FNDC3A: variants seen among roughly 807,000 people sequenced by gnomAD.
The protein encoded by FNDC3A is fibronectin type-III domain-containing protein 3A.
FNDC3A carries 32 observed loss-of-function variants against 148.9 expected under a neutral mutation model. The observed-to-expected ratio is 0.21, with a 90% CI of 0.16 to 0.29. The LOEUF (loss-of-function observed/expected upper bound fraction) is 0.29, where lower values mean the gene tolerates loss of function less well. Among genes scored for constraint, FNDC3A ranks in the 10% least tolerant of loss-of-function variants. FNDC3A has a pLI of 1.00. For synonymous variants in FNDC3A, 472 were observed against 473.6 expected, an observed-to-expected ratio of 1.00 and a Z score of 0.04; for missense variants, 1,191 against 1,452.8, an observed-to-expected ratio of 0.82 and a Z score of 2.93.
At chr13:49,161,747 G>C (rs1386801436) in intron 8 of FNDC3A, among the ~76,000 whole-genome samples, 1 of 152,174 alleles carries the variant, frequency 6.6e-6, no homozygotes, top group Non-Finnish European at 1.5e-5. Context: ...TGGTACTGAT[G>C]GTTCCTTTCC....
chr13:49,165,530 G>T (rs1243976534), intron 8 of FNDC3A, among the ~76,000 whole-genome samples: 2 of 152,166 alleles, frequency 1.3e-5, no homozygotes, highest in Non-Finnish European at 1.5e-5. Flanking sequence ...GATGTGAGGT[G>T]GGCCTGTCCT....
chr13:49,165,673 A>G (rs907000939), intron 8 of FNDC3A, among the ~76,000 whole-genome samples: 1 of 152,170 alleles, frequency 6.6e-6, no homozygotes, highest in Non-Finnish European at 1.5e-5. Flanking sequence ...CTCAGGTGCT[A>G]GTAGTGGCAG....
chr13:49,195,948 C>A (rs535722333), intron 19 of FNDC3A, among the ~76,000 whole-genome samples: 2 of 152,042 alleles, frequency 1.3e-5, no homozygotes, highest in East Asian at 3.9e-4. Flanking sequence ...GTAGTGCACA[C>A]CCGTAGTCCC....
At chr13:48,992,929 G>T (rs142629404) in intron 1 of FNDC3A, among the ~76,000 whole-genome samples, 10 of 152,204 alleles carry the variant, frequency 6.6e-5, no homozygotes, top group Admixed American at 5.9e-4. Context: ...TCATTACTCT[G>T]CCATTTCCCA....
intron 3 of FNDC3A, among the ~76,000 whole-genome samples, chr13:49,081,032 A>G (rs1175992419): frequency 6.6e-6 from 1 of 152,200 alleles, no homozygotes; most frequent in Non-Finnish European, 1.5e-5. Context: ...AGGTGAGTGA[A>G]GAAGAGAAAA....
At position 49,207,305 on chromosome 13, in the gene FNDC3A, T is replaced by C. The variant is rs771684909; in HGVS notation, c.3507T>C (p.Ser1169=). Reference sequence around the variant, plus strand: ...GCACAAGGACCCGACGGGCACTGAGTGACGAGCAGTGTGCTGCCGTCATCC... The same window carrying C: ...GCACAAGGACCCGACGGGCACTGAGCGACGAGCAGTGTGCTGCCGTCATCC... The part of the protein sequence containing the change: ...VESTRTRRAL[S]DEQCAAVILV... Residue 1169 remains serine (S), a synonymous_variant, in exon 26 of 26, where the codon AGT becomes AGC. Coordinates refer to ENST00000492622, the MANE Select transcript of FNDC3A (RefSeq NM_001079673.2). 1.2e-6 allele frequency: 2 copies of C among 1,614,176 alleles called. No individual in the cohort carries two copies. The highest frequency in any genetic ancestry group is 2.2e-5 in the South Asian group (2 of 91,092).
chr13:49,169,479 A>C (rs1054846520), intron 10 of FNDC3A, among the ~76,000 whole-genome samples: 1 of 152,182 alleles, frequency 6.6e-6, no homozygotes, highest in African/African-American at 2.4e-5. Flanking sequence ...ATTCCCCATC[A>C]TACTGATTGT....
At chr13:49,181,655 T>G (rs1885309745) in intron 14 of FNDC3A, among the ~76,000 whole-genome samples, 1 of 152,234 alleles carries the variant, frequency 6.6e-6, no homozygotes, top group Non-Finnish European at 1.5e-5. Context: ...GTCTTGGTCT[T>G]CCTTTTCTAG....
At chr13:48,993,618 G>T (rs929495810) in intron 1 of FNDC3A, among the ~76,000 whole-genome samples, 7 of 152,032 alleles carry the variant, frequency 4.6e-5, no homozygotes, top group Non-Finnish European at 1.0e-4. Context: ...TAAAAATTTT[G>T]AATGCTAGTA....
In FNDC3A at chr13:49,042,838, C is replaced by A. The variant is rs528227404; in HGVS notation, c.100-32451C>A. ...TATTTTTTGATAAATACAGTGTTGT[C>A]TGCATCCTAAGGTCTTACTGTAGAA... On this transcript the variant is annotated intron_variant, in intron 2 of 25. Transcript: ENST00000492622. Among the ~76,000 whole-genome samples, 3 of 152,284 alleles carry A rather than the reference C, an allele frequency of 2.0e-5. No homozygotes were observed. The South Asian group carries it at 6.2e-4, about 32-fold the overall frequency.
At chr13:49,039,989 C>T (rs1874801227) in intron 2 of FNDC3A, among the ~76,000 whole-genome samples, 1 of 152,222 alleles carries the variant, frequency 6.6e-6, no homozygotes, top group Admixed American at 6.5e-5. Flanking sequence ...ACTGGGATTA[C>T]AGGCGTGAGC....
chr13:49,123,669 C>G (rs1881510512), intron 4 of FNDC3A, among the ~76,000 whole-genome samples: 1 of 151,738 alleles, frequency 6.6e-6, no homozygotes, highest in South Asian at 2.1e-4. Context: ...AAAACCAACC[C>G]CATCAAAAAG....
At chr13:49,155,345 C>T (rs1883590315) in intron 8 of FNDC3A, among the ~76,000 whole-genome samples, 2 of 151,480 alleles carry the variant, frequency 1.3e-5, no homozygotes, top group African/African-American at 4.9e-5. Context: ...GTTTGTATTT[C>T]TGTGGGATCA....
rs1030297575 is a variant in FNDC3A, at chr13:49,039,784, G to A, written c.99+33495G>A. On this transcript the variant is annotated intron_variant, in intron 2 of 25. Coordinates refer to ENST00000492622, the MANE Select transcript of FNDC3A (RefSeq NM_001079673.2). The stretch of plus-strand genomic sequence containing the variant: ...GGCTGGAGTGCAATGGCGCAATCTC[G>A]GCTCACTGCAACCTTCGCCTCCCGG... Among the ~76,000 whole-genome samples the A allele has an allele frequency of 7.2e-5, 11 of 151,888 alleles. 1 individual carries two copies. The South Asian group carries it at 2.3e-3, about 32-fold the overall frequency.
intron 2 of FNDC3A, among the ~76,000 whole-genome samples, chr13:49,008,448 C>G (rs1423148426): frequency 8.9e-5 from 7 of 78,322 alleles, no homozygotes; most frequent in African/African-American, 3.6e-4. Context: ...AAAAACTGTT[C>G]CTGACAGATG....
At chr13:49,134,147 A>C (rs926924261) in intron 5 of FNDC3A, among the ~76,000 whole-genome samples, 1 of 152,214 alleles carries the variant, frequency 6.6e-6, no homozygotes, top group African/African-American at 2.4e-5. Context: ...CATCCCAAAA[A>C]AGAAACTGTG....
chr13:49,006,551 G>A (rs1952224099), intron 2 of FNDC3A, among the ~76,000 whole-genome samples: 1 of 151,848 alleles, frequency 6.6e-6, no homozygotes, highest in Non-Finnish European at 1.5e-5. Context: ...TAGACAAATA[G>A]TGTGCTAGTC....
Position 49,109,726 on chromosome 13 carries a change from T to TA in FNDC3A, c.176-4922dup, listed in dbSNP as rs894380895. Among the ~76,000 whole-genome samples, 19 of 152,224 alleles carry TA rather than the reference T, an allele frequency of 1.2e-4. No individual in the cohort carries two copies. In the East Asian group the frequency reaches 1.7e-3, roughly 14 times the overall value. On this transcript the variant is annotated intron_variant, in intron 3 of 25. Coordinates refer to ENST00000492622, the MANE Select transcript of FNDC3A (RefSeq NM_001079673.2). ...TGCACTTTAATTTAAATCTTAAATTTAAAAAAATCAGAAAGAAAATAAAAC... is the reference window on the plus strand; with the variant it reads ...TGCACTTTAATTTAAATCTTAAATTTAAAAAAAATCAGAAAGAAAATAAAAC...
At chr13:49,037,829 T>G (rs760577577) in intron 2 of FNDC3A, among the ~76,000 whole-genome samples, 13 of 152,154 alleles carry the variant, frequency 8.5e-5, no homozygotes, top group Non-Finnish European at 1.3e-4. Context: ...CATGATAGTG[T>G]CTACAGATGG....
Sources: gnomAD v4.1 joint callset for allele counts (sites outside exome capture counted in the v4.1 genomes callset) on GRCh38, gnomAD v4.1.1 for gene constraint, MANE v1.5 for transcripts, NCBI Gene and HGNC (gene_info 2026-07-23, HGNC 2026-07-21) for gene names.